EPHB1: variants seen among roughly 807,000 people sequenced by gnomAD.
EPHB1 encodes ephrin type-B receptor 1.
In EPHB1, 30 loss-of-function variants were observed where a neutral mutation model predicts 94.4. The ratio of observed to expected loss-of-function variants is 0.32; its 90% CI spans 0.24 to 0.43. The LOEUF is 0.43. Among genes scored for constraint, EPHB1 ranks in the 20% least tolerant of loss-of-function variants. EPHB1 has a pLI of 1.00. For missense variants in EPHB1, 1,055 were observed against 1,308.3 expected (o/e 0.81, Z 2.99); for synonymous variants, 522 against 489.1 (o/e 1.07, Z -0.89).
At chr3:134,844,389 C>G (rs998481288) in intron 1 of EPHB1, among the ~76,000 whole-genome samples, 1 of 152,172 alleles carries the variant, frequency 6.6e-6, no homozygotes, top group East Asian at 1.9e-4. Context: ...GCAAGCGTAG[C>G]CTTAGGGCTG....
At chr3:135,113,174 A>C (rs561087812) in intron 4 of EPHB1, among the ~76,000 whole-genome samples, 1 of 152,308 alleles carries the variant, frequency 6.6e-6, no homozygotes, top group East Asian at 1.9e-4. Flanking sequence ...CCCCCGCCCC[A>C]TGCTGGTAGA....
chr3:134,995,448 A>T (rs984494142), intron 3 of EPHB1, among the ~76,000 whole-genome samples: 3 of 152,234 alleles, frequency 2.0e-5, no homozygotes, highest in Non-Finnish European at 4.4e-5. Context: ...TGAAGCTGCT[A>T]TAACATTCAT....
chr3:134,866,483 GTCAAGC>G (rs971254431), intron 1 of EPHB1, among the ~76,000 whole-genome samples: 10 of 152,110 alleles, frequency 6.6e-5, no homozygotes, highest in Non-Finnish European at 1.3e-4. Flanking sequence ...CTTCCTGATG[GTCAAGC>G]TCTGTGGGAT....
At chr3:135,135,233 C>T (rs1017299583) in intron 5 of EPHB1, among the ~76,000 whole-genome samples, 1 of 152,168 alleles carries the variant, frequency 6.6e-6, no homozygotes, top group Non-Finnish European at 1.5e-5. Flanking sequence ...GATGCAATTT[C>T]TTCTTGGTAG....
chr3:134,954,515 G>A (rs1032310568), intron 3 of EPHB1, among the ~76,000 whole-genome samples: 2 of 152,198 alleles, frequency 1.3e-5, no homozygotes, highest in African/African-American at 2.4e-5. Context: ...GTGGATAACA[G>A]AGAATTGCAG....
At chr3:134,824,822 C>T (rs1013989472) in intron 1 of EPHB1, among the ~76,000 whole-genome samples, 6 of 152,146 alleles carry the variant, frequency 3.9e-5, no homozygotes, top group African/African-American at 1.4e-4. Context: ...AGGTGAGCTT[C>T]CAGCTGACAG....
intron 15 of EPHB1, among the ~76,000 whole-genome samples, chr3:135,251,348 G>GTGTT (rs1330015394): frequency 6.6e-6 from 1 of 152,134 alleles, no homozygotes; most frequent in African/African-American, 2.4e-5. Context: ...ATAGAAATGG[G>GTGTT]TGTTTATGAA....
rs78559258 is a variant in EPHB1, at chr3:135,110,171, T to C, written c.961+3568T>C. Among the ~76,000 whole-genome samples the C allele has an allele frequency of 3.8e-4, 58 of 152,346 alleles. 1 individual carries two copies. The East Asian group carries it at 0.011, about 29-fold the overall frequency. ...GTGTGAAAATAATTACCTTGTTACA[T>C]TGCTGACCACAAAAACCCCTTTTCT... On this transcript the variant is annotated intron_variant, in intron 4 of 15. Coordinates refer to ENST00000398015, the MANE Select transcript of EPHB1 (RefSeq NM_004441.5).
At position 134,901,298 on chromosome 3, in the gene EPHB1, G is replaced by A. The variant is rs549997126; in HGVS notation, c.59-24518G>A. ...ATCAGGATCTAAACAAAATCTACAC[G>A]TAACACTTGGTTGATTTGTCTCTTA... On this transcript the variant is annotated intron_variant, in intron 1 of 15. Coordinates refer to ENST00000398015, the MANE Select transcript of EPHB1 (RefSeq NM_004441.5). Among the ~76,000 whole-genome samples, 245 of 152,292 alleles carry A rather than the reference G, an allele frequency of 1.6e-3. 1 individual carries two copies. Among genetic ancestry groups the A allele is most frequent in the African/African-American group, 2.9e-3 (120 of 41,560 alleles).
At chr3:134,953,057 C>T (rs1933102031) in intron 3 of EPHB1, among the ~76,000 whole-genome samples, 1 of 152,034 alleles carries the variant, frequency 6.6e-6, no homozygotes, top group Admixed American at 6.5e-5. Context: ...TTAATGTACC[C>T]CTAGGGTTAC....
intron 1 of EPHB1, among the ~76,000 whole-genome samples, chr3:134,884,570 A>G (rs1049561750): frequency 6.6e-6 from 1 of 152,224 alleles, no homozygotes; most frequent in African/African-American, 2.4e-5. Context: ...AATGAGCATC[A>G]GACACATTTC....
intron 3 of EPHB1, among the ~76,000 whole-genome samples, chr3:135,065,166 T>C (rs868301705): frequency 3.7e-4 from 57 of 152,282 alleles, no homozygotes; most frequent in African/African-American, 1.3e-3. Flanking sequence ...TTGAATAGAA[T>C]GTGTATTCTG....
intron 3 of EPHB1, among the ~76,000 whole-genome samples, chr3:135,101,452 C>T (rs536044360): frequency 1.3e-5 from 2 of 152,206 alleles, no homozygotes; most frequent in South Asian, 2.1e-4. Flanking sequence ...TGGCTCACTG[C>T]AACCTCTGCG....
Position 135,047,394 on chromosome 3 carries a change from C to G in EPHB1, c.806-59054C>G, listed in dbSNP as rs188081695. 5.4e-4 allele frequency among the ~76,000 whole-genome samples: 82 copies of G among 152,310 alleles called. 4 individuals are homozygous for G. The East Asian group carries it at 0.014, about 26-fold the overall frequency. The stretch of plus-strand genomic sequence containing the variant: ...CCTGAGTTTCCCAGTGTCATACTCT[C>G]CAGCCTGGCTTCTCAGAGGACCCAT... On this transcript the variant is annotated intron_variant, in intron 3 of 15. Transcript: ENST00000398015.
At chr3:135,161,442 C>A (rs76995593) in intron 6 of EPHB1, among the ~76,000 whole-genome samples, 4,980 of 152,218 alleles carry the variant, frequency 0.033, 249 homozygotes, top group African/African-American at 0.11. Context: ...GTGTGGAGGG[C>A]AGTCCAGAAT....
chr3:135,050,176 G>A (rs1374040253), intron 3 of EPHB1, among the ~76,000 whole-genome samples: 2 of 152,152 alleles, frequency 1.3e-5, no homozygotes, highest in African/African-American at 4.8e-5. Flanking sequence ...GACTAATATG[G>A]ATGGCCGATT....
At chr3:135,123,867 C>T (rs1281334604) in intron 4 of EPHB1, among the ~76,000 whole-genome samples, 1 of 151,688 alleles carries the variant, frequency 6.6e-6, no homozygotes, top group African/African-American at 2.4e-5. Context: ...CACCTCTCCC[C>T]TAGATGACTG....
chr3:135,029,387 C>A (rs1485603075), intron 3 of EPHB1, among the ~76,000 whole-genome samples: 1 of 150,824 alleles, frequency 6.6e-6, no homozygotes, highest in African/African-American at 2.4e-5. Flanking sequence ...ATGTTTAGCG[C>A]TTCCTTCAGA....
At chr3:135,187,705 G>T (rs539059925) in intron 10 of EPHB1, among the ~76,000 whole-genome samples, 132 of 152,210 alleles carry the variant, frequency 8.7e-4, no homozygotes, top group African/African-American at 3.0e-3. Context: ...AGCATCCTAG[G>T]CTTACCTGAA....
Sources: gnomAD v4.1 joint callset for allele counts (sites outside exome capture counted in the v4.1 genomes callset) on GRCh38, gnomAD v4.1.1 for gene constraint, MANE v1.5 for transcripts, NCBI Gene and HGNC (gene_info 2026-07-23, HGNC 2026-07-21) for gene names.